TADA2A: variants seen among roughly 807,000 people sequenced by gnomAD.
The protein encoded by TADA2A is transcriptional adaptor 2A.
In TADA2A, 38 loss-of-function variants were observed where a neutral mutation model predicts 67.4. The observed-to-expected ratio is 0.56, with a 90% confidence interval of 0.44 to 0.74. The LOEUF is 0.74. TADA2A is among the 30% of genes least tolerant of loss of function. TADA2A has a pLI of 0.00. For synonymous variants in TADA2A, 192 were observed against 181.6 expected, an observed-to-expected ratio of 1.06 and a Z score of -0.46; for missense variants, 454 against 547.0, an observed-to-expected ratio of 0.83 and a Z score of 1.70.
rs4556835 is a variant in TADA2A at position 37,439,948 on chromosome 17, T to A, written c.285-557T>A. Among the ~76,000 whole-genome samples, 330 of 39,170 alleles carry A rather than the reference T, an allele frequency of 8.4e-3. 1 individual carries two copies. The highest frequency in any genetic ancestry group is 0.02 in the Middle Eastern group (1 of 50). 25.7% of individuals were successfully genotyped at this position (39,170 alleles called of 152,430 possible). A position where few individuals can be genotyped will look rare whatever the true frequency, so the allele number is the denominator to read the frequency against. ...TTTATTTATTTATTTATTTATTATT[T>A]TTTTTTTTTTTTGAGATGGAGTTTC... is the stretch of plus-strand genomic sequence containing the variant. On this transcript the variant is annotated intron_variant, in intron 5 of 15. Coordinates refer to ENST00000615182, the MANE Select transcript of TADA2A (RefSeq NM_001166105.3).
chr17:37,476,748 T>A (rs1161971342), intron 15 of TADA2A, 49 bp from the exon 16 acceptor site: 1 of 1,567,598 alleles, frequency 6.4e-7, no homozygotes. Context: ...TGGATTAAAT[T>A]ACAAAAATGA....
chr17:37,443,678 A>G (rs1181911481), intron 7 of TADA2A, among the ~76,000 whole-genome samples: 2 of 152,294 alleles, frequency 1.3e-5, no homozygotes, highest in Non-Finnish European at 2.9e-5. Context: ...TAAAGTTTCT[A>G]TTGTAACTAT....
intron 7 of TADA2A, 145 bp from the exon 8 acceptor site, chr17:37,444,551 G>A (rs1054434474): frequency 2.7e-5 from 19 of 694,308 alleles, no homozygotes; most frequent in Non-Finnish European, 4.6e-5. Context: ...ACCTGTGCCA[G>A]TATTGTGGCC....
intron 2 of TADA2A, among the ~76,000 whole-genome samples, chr17:37,419,030 C>A (rs1041931500): frequency 6.8e-6 from 1 of 146,090 alleles, no homozygotes; most frequent in Non-Finnish European, 1.5e-5. Flanking sequence ...AGAGCCCAGC[C>A]TCTACTTTTG....
At chr17:37,422,694 G>A (rs2052282639) in intron 2 of TADA2A, among the ~76,000 whole-genome samples, 1 of 151,882 alleles carries the variant, frequency 6.6e-6, no homozygotes, top group Non-Finnish European at 1.5e-5. Flanking sequence ...TAGAGACAGG[G>A]TTTCGCCAGG....
intron 5 of TADA2A, among the ~76,000 whole-genome samples, chr17:37,438,758 A>G (rs1202096312): frequency 6.6e-6 from 1 of 152,224 alleles, no homozygotes; most frequent in Non-Finnish European, 1.5e-5. Context: ...GGAGTTTGCT[A>G]GTCATCTTTG....
intron 5 of TADA2A, 70 bp downstream of exon 5, chr17:37,437,899 A>G (rs2052780163): frequency 7.0e-7 from 1 of 1,426,154 alleles, no homozygotes; most frequent in Non-Finnish European, 9.9e-7. Flanking sequence ...TGAAGAGTAA[A>G]GGAAGGAACC....
intron 2 of TADA2A, among the ~76,000 whole-genome samples, chr17:37,417,031 C>T (rs1314817527): frequency 6.6e-6 from 1 of 152,024 alleles, no homozygotes; most frequent in African/African-American, 2.4e-5. Context: ...AATAACTGTA[C>T]ACTCAACAAT....
intron 1 of TADA2A, among the ~76,000 whole-genome samples, chr17:37,410,064 A>G (rs1314802198): frequency 2.0e-5 from 3 of 152,022 alleles, no homozygotes; most frequent in African/African-American, 7.2e-5. Flanking sequence ...CCAGCTTCTC[A>G]GGAGGCTGAG....
chr17:37,447,695 G>A (rs973730318), intron 8 of TADA2A, among the ~76,000 whole-genome samples: 7 of 152,186 alleles, frequency 4.6e-5, no homozygotes, highest in African/African-American at 1.7e-4. Flanking sequence ...CCACAGAGAG[G>A]TATTTTGTTT....
chr17:37,462,557 A>C (rs2053570679), intron 10 of TADA2A, among the ~76,000 whole-genome samples: 1 of 152,112 alleles, frequency 6.6e-6, no homozygotes, highest in Non-Finnish European at 1.5e-5. Flanking sequence ...ACTTGAACCC[A>C]GGAGGTAAAG....
At chr17:37,461,605 G>A (rs975833038) in intron 9 of TADA2A, among the ~76,000 whole-genome samples, 2 of 152,192 alleles carry the variant, frequency 1.3e-5, no homozygotes, top group African/African-American at 4.8e-5. Flanking sequence ...CATTAAACAT[G>A]CACAATATTT....
chr17:37,437,863 A>G, intron 5 of TADA2A, 34 bp downstream of exon 5: 2 of 1,574,120 alleles, frequency 1.3e-6, no homozygotes, highest in Non-Finnish European at 1.7e-6. Flanking sequence ...GTCCTGCCCT[A>G]GTGGACTCAG....
chr17:37,442,724 C>T, intron 7 of TADA2A, 72 bp downstream of exon 7: 1 of 1,349,466 alleles, frequency 7.4e-7, no homozygotes, highest in African/African-American at 1.4e-5. Context: ...TCTGTCTCAC[C>T]CATAGATTCC....
intron 4 of TADA2A, among the ~76,000 whole-genome samples, chr17:37,429,074 T>C (rs2052495075): frequency 6.8e-6 from 1 of 147,496 alleles, no homozygotes; most frequent in South Asian, 2.1e-4. Context: ...AAAAGAAAAA[T>C]TTTGTAGACA....
intron 2 of TADA2A, among the ~76,000 whole-genome samples, chr17:37,422,864 C>G (rs975219647): frequency 1.3e-5 from 2 of 152,052 alleles, no homozygotes; most frequent in African/African-American, 4.8e-5. Flanking sequence ...GTCAGATTTT[C>G]TTTATATTGT....
chr17:37,474,642 AG>A lies in TADA2A; in HGVS notation c.1146+18del. The A allele has an allele frequency of 6.2e-7, 1 of 1,606,734 alleles. No homozygotes were observed. The highest frequency in any genetic ancestry group is 8.5e-7 in the Non-Finnish European group (1 of 1,175,820). ...AAAAGAAAAGGAGGTAACAAAAGGG[AG>A]GGGGCTGGGAGAAAGAGAATAGGGG... is the stretch of plus-strand genomic sequence containing the variant. On this transcript the variant is annotated intron_variant, in intron 15 of 15. Transcript: ENST00000615182.
At chr17:37,464,631 G>T (rs889515132) in intron 10 of TADA2A, among the ~76,000 whole-genome samples, 3 of 147,300 alleles carry the variant, frequency 2.0e-5, no homozygotes, top group African/African-American at 7.6e-5. Flanking sequence ...CCTGAGCTCA[G>T]TAGTTCAAGA....
intron 11 of TADA2A, chr17:37,465,745 C>A: frequency 1.4e-6 from 1 of 736,664 alleles, no homozygotes; most frequent in Non-Finnish European, 2.1e-6. Context: ...CCCCCATTGC[C>A]CCAGATAAAC....
Sources: gnomAD v4.1 joint callset for allele counts (sites outside exome capture counted in the v4.1 genomes callset) on GRCh38, gnomAD v4.1.1 for gene constraint, MANE v1.5 for transcripts, NCBI Gene and HGNC (gene_info 2026-07-23, HGNC 2026-07-21) for gene names.